The following HKDC1 variants were observed in gnomAD, a reference collection of about 807,000 sequenced individuals.
The protein encoded by HKDC1 is hexokinase HKDC1.
HKDC1 carries 66 observed loss-of-function variants against 96.6 expected under a neutral mutation model. The ratio of observed to expected loss-of-function variants is 0.68; its 90% CI spans 0.56 to 0.84. The LOEUF (loss-of-function observed/expected upper bound fraction) is 0.84, where lower values mean the gene tolerates loss of function less well. HKDC1 is among the 40% of genes least tolerant of loss of function. The pLI is 0.00. For missense variants in HKDC1, 1,211 were observed against 1,208.1 expected (o/e 1.00, Z -0.04); for synonymous variants, 466 against 473.1 (o/e 0.98, Z 0.20).
At chr10:69,240,549 A>T in intron 5 of HKDC1, 103 bp from the exon 6 acceptor site, 1 of 859,654 alleles carries the variant, frequency 1.2e-6, no homozygotes, top group Non-Finnish European at 1.9e-6. Context: ...GGATCTAGGG[A>T]TGTCTCAGCA....
At chr10:69,255,534 C>A (rs568919809) in intron 12 of HKDC1, among the ~76,000 whole-genome samples, 2 of 152,220 alleles carry the variant, frequency 1.3e-5, no homozygotes, top group South Asian at 4.1e-4. Flanking sequence ...CTTCACCCCC[C>A]TGGCTTTCTA....
In HKDC1 at chr10:69,250,307, G is replaced by T; in HGVS notation, c.1588G>T (p.Ala530Ser). The T allele has an allele frequency of 6.2e-7, 1 of 1,613,692 alleles. No individual in the cohort carries two copies. Among genetic ancestry groups the T allele is most frequent in the African/African-American group, 1.3e-5 (1 of 75,038 alleles). ...PDGTEKGKFL[A>S]LDLGGTNFRV... ...CATCACAGAGAAAGGAAAGTTTCTC[G>T]CCCTGGATCTTGGGGGAACCAACTT... Residue 530 changes from alanine (A) to serine (S), a missense_variant, in exon 11 of 18, where the codon GCC (alanine) becomes TCC (serine). Physicochemically the swap from Ala to Ser is moderately conservative, Grantham distance 99. Coordinates refer to ENST00000354624, the MANE Select transcript of HKDC1 (RefSeq NM_025130.4).
chr10:69,250,816 A>G (rs549203189), intron 12 of HKDC1, among the ~76,000 whole-genome samples, 164 bp downstream of exon 12: 3 of 152,318 alleles, frequency 2.0e-5, no homozygotes, highest in South Asian at 2.1e-4. Context: ...TTTTTAATCA[A>G]TTTATCACGA....
rs1405447795 is a variant in HKDC1 at position 69,250,370 on chromosome 10, T to G, written c.1651T>G (p.Ser551Ala). ...GGTGAAGATCAGAAGTGGACGGAGGTCAGTGCGAATGTACAACAAGATCTT... is the reference window on the plus strand; with the variant it reads ...GGTGAAGATCAGAAGTGGACGGAGGGCAGTGCGAATGTACAACAAGATCTT... Reference protein sequence around the residue: ...LLVKIRSGRRSVRMYNKIFAI... With the variant: ...LLVKIRSGRRAVRMYNKIFAI... Residue 551 changes from serine to alanine, a missense_variant, in exon 11 of 18, where the codon TCA becomes GCA. By Grantham distance (99) the Ser-to-Ala change is moderately conservative. Transcript: ENST00000354624. 6.2e-7 allele frequency: 1 copy of G among 1,613,874 alleles called. No individual in the cohort carries two copies. The highest frequency in any genetic ancestry group is 1.1e-5 in the South Asian group (1 of 91,050).
Position 69,220,455 on chromosome 10 carries a change from T to C in HKDC1, c.20T>C (p.Met7Thr). Residue 7 changes from methionine (M) to threonine (T), a missense_variant, in exon 1 of 18, where the codon ATG (methionine) becomes ACG (threonine). By Grantham distance (81) the Met-to-Thr change is moderately conservative. Transcript: ENST00000354624. Reference protein sequence around the residue: MFAVHLMAFYFSKLKED... With the variant: MFAVHLTAFYFSKLKED... The stretch of plus-strand genomic sequence containing the variant: ...GGGAAAATGTTTGCGGTCCACTTGA[T>C]GGCATTTTACTTCAGCAAGCTGAAG... 1 of 1,601,470 alleles carries C rather than the reference T, an allele frequency of 6.2e-7. No individual in the cohort carries two copies. Among genetic ancestry groups the C allele is most frequent in the Non-Finnish European group, 8.5e-7 (1 of 1,174,708 alleles).
rs1443836837 is a variant in HKDC1 at position 69,248,748 on chromosome 10, C to G, written c.1570+20C>G. ...GCACAGGTGGGCCAGCACAGCCTCC[C>G]TCTCTGAACAGCCATCCAGGGCTCC... On this transcript the variant is annotated intron_variant, in intron 10 of 17. Coordinates refer to ENST00000354624, the MANE Select transcript of HKDC1 (RefSeq NM_025130.4). 1.9e-6 allele frequency: 3 copies of G among 1,570,270 alleles called. No individual in the cohort carries two copies. Among genetic ancestry groups the G allele is most frequent in the Admixed American group, 1.8e-5 (1 of 55,282 alleles).
Position 69,266,826 on chromosome 10 carries a change from CA to C in HKDC1, c.*70del. Reference sequence around the variant, plus strand: ...CTTTTCCTCTGGCAGATCAGTTGGTCAGAGACCAATGGGCACCCTCCTGGCT... The same window carrying C: ...CTTTTCCTCTGGCAGATCAGTTGGTCGAGACCAATGGGCACCCTCCTGGCT... On this transcript the variant is annotated 3_prime_UTR_variant, in exon 18 of 18. Coordinates refer to ENST00000354624, the MANE Select transcript of HKDC1 (RefSeq NM_025130.4). 1 of 1,525,492 alleles carries C rather than the reference CA, an allele frequency of 6.6e-7. No homozygotes were observed. Among genetic ancestry groups the C allele is most frequent in the South Asian group, 1.3e-5 (1 of 78,222 alleles). 94.5% of individuals were successfully genotyped at this position (1,525,492 alleles called of 1,614,324 possible). A position where few individuals can be genotyped will look rare whatever the true frequency, so the allele number is the denominator to read the frequency against.
rs768062530 is a variant in HKDC1 at position 69,232,899 on chromosome 10, G to A, written c.362G>A (p.Gly121Glu). The A allele has an allele frequency of 2.5e-6, 4 of 1,612,898 alleles. No homozygotes were observed. Among genetic ancestry groups the A allele is most frequent in the Non-Finnish European group, 3.4e-6 (4 of 1,180,032 alleles). ...CCAACGCCCAATGAAATCATCCGCG[G>A]GAACGGCACAGAGGTACCTGGCAGG... Reference protein sequence around the residue: ...FYPTPNEIIRGNGTELFEYVA... With the variant: ...FYPTPNEIIRENGTELFEYVA... The change falls in exon 3 of 18, where the codon GGG becomes GAG. Residue 121 changes from glycine to glutamate, a missense_variant. Gly to Glu is a moderately conservative substitution (Grantham distance 98). Coordinates refer to ENST00000354624, the MANE Select transcript of HKDC1 (RefSeq NM_025130.4).
chr10:69,255,048 G>A (rs1268371623), intron 12 of HKDC1, among the ~76,000 whole-genome samples: 1 of 152,188 alleles, frequency 6.6e-6, no homozygotes, highest in East Asian at 1.9e-4. Flanking sequence ...ATCCGGGAGG[G>A]TGCCGTGTGC....
Position 69,266,462 on chromosome 10 carries a change from C to T in HKDC1, c.2607-148C>T, listed in dbSNP as rs1484784352. Reference sequence around the variant, plus strand: ...CCTGGGCAACAGAGTGAGACCATGTCTAAAAAAAAAAAAAAATTAGAAGAA... The same window carrying T: ...CCTGGGCAACAGAGTGAGACCATGTTTAAAAAAAAAAAAAAATTAGAAGAA... On this transcript the variant is annotated intron_variant, in intron 17 of 17. Transcript: ENST00000354624. 6.5e-4 allele frequency: 221 copies of T among 341,586 alleles called. 1 individual carries two copies. The highest frequency in any genetic ancestry group is 9.8e-4 in the Non-Finnish European group (206 of 209,652). The allele number at this position is 341,586 out of a possible 1,614,324, so 21.2% of individuals were successfully genotyped here.
intron 3 of HKDC1, 26 bp downstream of exon 3, chr10:69,232,938 C>T (rs562398059): frequency 2.7e-5 from 43 of 1,612,010 alleles, no homozygotes; most frequent in East Asian, 6.7e-5. Context: ...CTCCTGTGAC[C>T]GCAGGGAAGG....
chr10:69,224,542 C>G (rs1251908742), intron 1 of HKDC1, among the ~76,000 whole-genome samples: 1 of 152,188 alleles, frequency 6.6e-6, no homozygotes, highest in Non-Finnish European at 1.5e-5. Context: ...CTCGGCCTCC[C>G]AAAGTGCTGG....
At chr10:69,248,300 G>A in intron 9 of HKDC1, 124 bp from the exon 10 acceptor site, 1 of 964,752 alleles carries the variant, frequency 1.0e-6, no homozygotes, top group East Asian at 2.5e-5. Context: ...CCTACCATCA[G>A]CAAATAAAGG....
intron 17 of HKDC1, among the ~76,000 whole-genome samples, 177 bp from the exon 18 acceptor site, chr10:69,266,433 A>G (rs1240254347): frequency 6.7e-6 from 1 of 149,176 alleles, no homozygotes; most frequent in African/African-American, 2.5e-5. Context: ...ACTGCAGTCT[A>G]CACCCTGGGC....
intron 14 of HKDC1, 107 bp from the exon 15 acceptor site, chr10:69,258,669 C>T (rs759824808): frequency 1.8e-5 from 20 of 1,112,606 alleles, no homozygotes; most frequent in Non-Finnish European, 2.5e-5. Context: ...GAATCGCATC[C>T]AGTTGTATCT....
rs1843172321 is a variant in HKDC1, at chr10:69,227,194, G to A, written c.64-13G>A. 5.6e-6 allele frequency: 9 copies of A among 1,613,834 alleles called. No individual in the cohort carries two copies. Among genetic ancestry groups the A allele is most frequent in the Non-Finnish European group, 5.9e-6 (7 of 1,179,758 alleles). On this transcript the variant is annotated splice_polypyrimidine_tract_variant and intron_variant, in intron 1 of 17. Transcript: ENST00000354624. ...CCCCAGCAGCACCCCTTGGTGGCCG[G>A]TGTCTGTTCCAGGTGGACAGGTTCC...
chr10:69,248,756 A>G (rs1843588252), intron 10 of HKDC1, 28 bp downstream of exon 10: 1 of 1,558,646 alleles, frequency 6.4e-7, no homozygotes, highest in Admixed American at 1.9e-5. Flanking sequence ...CCCTCTCTGA[A>G]CAGCCATCCA....
intron 12 of HKDC1, among the ~76,000 whole-genome samples, chr10:69,256,235 T>C (rs1008775969): frequency 6.6e-6 from 1 of 152,242 alleles, no homozygotes; most frequent in Non-Finnish European, 1.5e-5. Flanking sequence ...CATCAAATGT[T>C]CTCTTACAGT....
rs1407592038 is a variant in HKDC1, at chr10:69,258,712, C to T, written c.2033-64C>T. 8 of 1,525,724 alleles carry T rather than the reference C, an allele frequency of 5.2e-6. No homozygotes were observed. In the East Asian group the frequency reaches 1.8e-4, roughly 34 times the overall value. 94.5% of individuals were successfully genotyped at this position (1,525,724 alleles called of 1,614,324 possible). A position where few individuals can be genotyped will look rare whatever the true frequency, so the allele number is the denominator to read the frequency against. ...AGCTTAAATTCTTATTTGCTGCACTCTGCCACCTTTCTAAAACCTGGTGAT... is the reference window on the plus strand; with the variant it reads ...AGCTTAAATTCTTATTTGCTGCACTTTGCCACCTTTCTAAAACCTGGTGAT... On this transcript the variant is annotated intron_variant, in intron 14 of 17. Transcript: ENST00000354624.
Sources: allele counts gnomAD v4.1 joint callset (sites outside exome capture counted in the v4.1 genomes callset), GRCh38; gene constraint gnomAD v4.1.1; transcripts MANE v1.5; gene names NCBI Gene and HGNC (gene_info 2026-07-23, HGNC 2026-07-21).